MLIP: variants seen among roughly 807,000 people sequenced by gnomAD.
MLIP encodes muscular LMNA-interacting protein.
MLIP carries 79 observed loss-of-function variants against 84.8 expected under a neutral mutation model. The ratio of observed to expected loss-of-function variants is 0.93; its 90% CI spans 0.78 to 1.12. The LOEUF is 1.12. Among genes scored for constraint, MLIP ranks in the 50% most tolerant of loss-of-function variants. The probability of loss-of-function intolerance (pLI) is 0.00; values close to 1 mark genes in which losing one functional copy is unlikely to be tolerated. For synonymous variants in MLIP, 504 were observed against 463.0 expected (o/e 1.09, Z -1.14); for missense variants, 1,257 against 1,160.6 (o/e 1.08, Z -1.21).
intron 1 of MLIP, among the ~76,000 whole-genome samples, chr6:54,034,364 G>A (rs1253943309): frequency 2.0e-5 from 3 of 152,076 alleles, no homozygotes; most frequent in Non-Finnish European, 4.4e-5. Context: ...ATTTTGCAGT[G>A]CAGTCATGTG....
At chr6:54,083,746 A>G in intron 1 of MLIP, 2 of 1,020,982 alleles carry the variant, frequency 2.0e-6, no homozygotes, top group Non-Finnish European at 2.9e-6. Context: ...TTTAGGTGGC[A>G]TGGCTGTTTA....
chr6:54,047,754 TAA>T (rs1421192174), intron 1 of MLIP, among the ~76,000 whole-genome samples: 4 of 152,214 alleles, frequency 2.6e-5, no homozygotes, highest in African/African-American at 9.7e-5. Context: ...TAGAATGTGT[TAA>T]GAGTTTACTC....
chr6:54,210,829 A>G (rs567641951), intron 11 of MLIP, among the ~76,000 whole-genome samples: 36 of 151,950 alleles, frequency 2.4e-4, no homozygotes, highest in Non-Finnish European at 4.7e-4. Flanking sequence ...TTTCCTTATG[A>G]GCCTTAAGAT....
chr6:54,048,186 T>G (rs1028932763), intron 1 of MLIP, among the ~76,000 whole-genome samples: 3 of 152,120 alleles, frequency 2.0e-5, no homozygotes, highest in African/African-American at 4.8e-5. Context: ...GTGGCTGAAG[T>G]ACAATGGAAA....
At chr6:54,036,487 A>G (rs975846423) in intron 1 of MLIP, among the ~76,000 whole-genome samples, 2 of 152,056 alleles carry the variant, frequency 1.3e-5, no homozygotes, top group African/African-American at 4.8e-5. Context: ...TTGATAACTT[A>G]GCAGAAAACT....
Position 54,131,539 on chromosome 6 carries a change from T to A in MLIP, c.646-5176T>A, listed in dbSNP as rs562078841. Among the ~76,000 whole-genome samples, 7 of 152,240 alleles carry A rather than the reference T, an allele frequency of 4.6e-5. No homozygotes were observed. The South Asian group carries it at 1.5e-3, about 32-fold the overall frequency. On this transcript the variant is annotated intron_variant, in intron 3 of 13. Coordinates refer to ENST00000502396, the MANE Select transcript of MLIP (RefSeq NM_001281747.2). The stretch of plus-strand genomic sequence containing the variant: ...TATCAGTTAGAAGCAAGTAACCGTT[T>A]CCACCCACACTTAAAAGGAAGGAAT...
intron 12 of MLIP, among the ~76,000 whole-genome samples, chr6:54,237,584 G>A (rs1306811018): frequency 1.3e-5 from 2 of 151,462 alleles, no homozygotes; most frequent in South Asian, 4.2e-4. Context: ...GGTGGCTCAT[G>A]CCTGTAATCC....
intron 1 of MLIP, among the ~76,000 whole-genome samples, chr6:54,084,655 T>A: frequency 6.6e-6 from 1 of 152,208 alleles, no homozygotes; most frequent in Middle Eastern, 3.2e-3. Flanking sequence ...ATTCAGGAAT[T>A]ATTTTTTTCT....
intron 1 of MLIP, among the ~76,000 whole-genome samples, chr6:54,069,757 A>G (rs1035146005): frequency 2.0e-5 from 2 of 99,424 alleles, no homozygotes; most frequent in African/African-American, 5.1e-5. Context: ...ATGGAGGGCC[A>G]ACTTCACACA....
rs952487199 is a variant in MLIP at position 54,035,513 on chromosome 6, A to AT, written c.63+16431dup. On this transcript the variant is annotated intron_variant, in intron 1 of 12. Coordinates refer to the MLIP transcript ENST00000274897. ...AACTGCTGAGACATATGGTAAGTCC[A>AT]TTTTTTTTTAGTTTTAAAGGGAATT... Among the ~76,000 whole-genome samples the AT allele has an allele frequency of 1.2e-3, 175 of 151,076 alleles. 2 individuals are homozygous for AT. The highest frequency in any genetic ancestry group is 3.0e-3 in the African/African-American group (122 of 41,282).
intron 10 of MLIP, among the ~76,000 whole-genome samples, chr6:54,198,568 A>C (rs1220778310): frequency 6.6e-6 from 1 of 152,086 alleles, no homozygotes; most frequent in African/African-American, 2.4e-5. Flanking sequence ...TGTGTGGTAT[A>C]ATTCCTGAGG....
chr6:54,234,735 T>C (rs941859569), intron 12 of MLIP, among the ~76,000 whole-genome samples: 35 of 152,318 alleles, frequency 2.3e-4, no homozygotes, highest in African/African-American at 7.7e-4. Flanking sequence ...CTGACACAGT[T>C]GATCATTTCC....
In MLIP at chr6:54,264,867, T is replaced by A. The variant is rs531509816; in HGVS notation, c.2977-1083T>A. Among the ~76,000 whole-genome samples, 11 of 152,194 alleles carry A rather than the reference T, an allele frequency of 7.2e-5. No individual in the cohort carries two copies. The East Asian group carries it at 2.1e-3, about 29-fold the overall frequency. ...ACCAGAGCAGTCATGAGCCACCCCT[T>A]TGTTAGTGCTTTTTATCTGTCTCCT... On this transcript the variant is annotated intron_variant, in intron 13 of 13. Transcript: ENST00000502396.
intron 9 of MLIP, among the ~76,000 whole-genome samples, chr6:54,186,414 A>T (rs181369437): frequency 1.3e-5 from 2 of 152,354 alleles, no homozygotes; most frequent in African/African-American, 2.4e-5. Context: ...TCGATAAAAC[A>T]TAAGTAATCC....
At chr6:54,229,891 A>G (rs184961941) in intron 11 of MLIP, among the ~76,000 whole-genome samples, 9 of 152,274 alleles carry the variant, frequency 5.9e-5, no homozygotes, top group Admixed American at 1.3e-4. Context: ...TTTGTAGAAG[A>G]CATATACCTG....
intron 1 of MLIP, among the ~76,000 whole-genome samples, chr6:54,025,774 T>C (rs564867202): frequency 6.2e-4 from 94 of 152,242 alleles, no homozygotes; most frequent in South Asian, 2.1e-3. Context: ...TTTGATTTTA[T>C]TGGTGACATT....
At chr6:54,019,672 G>A (rs1196798576) in intron 1 of MLIP, among the ~76,000 whole-genome samples, 1 of 152,078 alleles carries the variant, frequency 6.6e-6, no homozygotes, top group African/African-American at 2.4e-5. Flanking sequence ...TGCTGTCCAT[G>A]GCTCATCTGA....
chr6:54,028,322 T>C (rs1763936964), intron 1 of MLIP, among the ~76,000 whole-genome samples: 1 of 152,100 alleles, frequency 6.6e-6, no homozygotes, highest in African/African-American at 2.4e-5. Context: ...AGTACCCTTA[T>C]AGCTGTCAGA....
intron 1 of MLIP, among the ~76,000 whole-genome samples, chr6:54,064,621 G>T (rs1766156409): frequency 1.0e-5 from 1 of 99,236 alleles, no homozygotes. Context: ...ACACAAAGAA[G>T]TTAATTTACA....
Sources: allele counts gnomAD v4.1 joint callset (sites outside exome capture counted in the v4.1 genomes callset), GRCh38; gene constraint gnomAD v4.1.1; transcripts MANE v1.5; gene names NCBI Gene and HGNC (gene_info 2026-07-23, HGNC 2026-07-21).